The following EPSTI1 variants were observed in gnomAD, a reference collection of about 807,000 sequenced individuals.
EPSTI1 encodes the protein epithelial-stromal interaction protein 1.
In EPSTI1, 66 loss-of-function variants were observed where a neutral mutation model predicts 49.9. The observed-to-expected ratio is 1.32, with a 90% CI of 1.08 to 1.62. EPSTI1 has a LOEUF of 1.62. Among genes scored for constraint, EPSTI1 ranks in the 40% most tolerant of loss-of-function variants. The pLI, the probability that EPSTI1 is intolerant of heterozygous loss-of-function variation, is 0.00. For missense variants in EPSTI1, 394 were observed against 365.5 expected (o/e 1.08, Z -0.64); for synonymous variants, 137 against 130.7 (o/e 1.05, Z -0.33).
intron 1 of EPSTI1, among the ~76,000 whole-genome samples, chr13:42,981,103 G>A (rs1241826678): frequency 6.6e-6 from 1 of 152,038 alleles, no homozygotes; most frequent in Non-Finnish European, 1.5e-5. Context: ...TTTCTTTTAA[G>A]TCTTCATATT....
intron 6 of EPSTI1, chr13:42,933,745 G>A (rs923733052): frequency 6.6e-6 from 1 of 152,274 alleles, no homozygotes; most frequent in Non-Finnish European, 1.5e-5. Flanking sequence ...GTCATGTCAG[G>A]CACACACTGC....
chr13:42,888,439 C>T lies in EPSTI1; in HGVS notation c.*55G>A, dbSNP rs1357633734. 6.2e-7 allele frequency: 1 copy of T among 1,614,024 alleles called. No individual in the cohort carries two copies. The highest frequency in any genetic ancestry group is 8.5e-7 in the Non-Finnish European group (1 of 1,179,968). ...ACAAAATCACATTAAGAAAAAGCAT[C>T]TCATGAGGCTTTTCGAGGTCAGTTG... On this transcript the variant is annotated 3_prime_UTR_variant, in exon 11 of 11. Transcript: ENST00000313624.
rs544098214 is a variant in EPSTI1, at chr13:42,892,903, C to T, written c.915+2106G>A. On this transcript the variant is annotated intron_variant, in intron 10 of 10. Transcript: ENST00000313624. ...GTTATCACTGAGGTATATGAAAACC[C>T]AGGAGAGAGTACAGTGTCACAGAAG... 5.9e-3 allele frequency among the ~76,000 whole-genome samples: 29 copies of T among 4,956 alleles called. 1 individual carries two copies. The South Asian group carries it at 0.5, about 85-fold the overall frequency. The allele number at this position is 4,956 out of a possible 152,430, so 3.3% of individuals were successfully genotyped here.
chr13:42,965,056 G>A (rs1473337391), intron 3 of EPSTI1, among the ~76,000 whole-genome samples: 1 of 152,144 alleles, frequency 6.6e-6, no homozygotes, highest in Non-Finnish European at 1.5e-5. Flanking sequence ...AGATATATAA[G>A]GCCTGTTTGG....
chr13:42,965,531 C>T (rs1414852986), intron 3 of EPSTI1, among the ~76,000 whole-genome samples: 1 of 152,102 alleles, frequency 6.6e-6, no homozygotes. Context: ...CTAACTTCAG[C>T]CTATAAAAGA....
At chr13:42,941,618 A>AC (rs1244914678) in intron 6 of EPSTI1, among the ~76,000 whole-genome samples, 1 of 149,286 alleles carries the variant, frequency 6.7e-6, no homozygotes, top group African/African-American at 2.4e-5. Flanking sequence ...AGACACTGGA[A>AC]AAAAAAAAAA....
intron 10 of EPSTI1, among the ~76,000 whole-genome samples, chr13:42,890,022 C>T (rs1050736111): frequency 3.3e-5 from 5 of 152,178 alleles, no homozygotes; most frequent in Admixed American, 2.0e-4. Flanking sequence ...CAGTGATGTG[C>T]TCTGCCCCGT....
At chr13:42,977,276 A>G (rs979649380) in intron 1 of EPSTI1, among the ~76,000 whole-genome samples, 1 of 152,216 alleles carries the variant, frequency 6.6e-6, no homozygotes, top group African/African-American at 2.4e-5. Flanking sequence ...TTATTCTTTA[A>G]CCAAAAGAGA....
intron 6 of EPSTI1, among the ~76,000 whole-genome samples, chr13:42,933,245 T>C (rs759906162): frequency 6.6e-6 from 1 of 151,878 alleles, no homozygotes; most frequent in Non-Finnish European, 1.5e-5. Context: ...GAAGATTTTA[T>C]TGGAAACTAT....
chr13:42,901,358 A>G (rs17543917), intron 8 of EPSTI1, among the ~76,000 whole-genome samples: 10,148 of 152,246 alleles, frequency 0.067, 406 homozygotes, highest in Admixed American at 0.091. Flanking sequence ...CTAATATTCC[A>G]CAGTCCCCCA....
chr13:42,894,608 GA>G (rs1403862849), intron 10 of EPSTI1, among the ~76,000 whole-genome samples: 1 of 148,872 alleles, frequency 6.7e-6, no homozygotes, highest in African/African-American at 2.5e-5. Context: ...TGGTTTCTTT[GA>G]TGTGTTAGTT....
intron 7 of EPSTI1, among the ~76,000 whole-genome samples, chr13:42,920,578 T>C (rs760319948): frequency 5.9e-5 from 9 of 152,174 alleles, no homozygotes; most frequent in Non-Finnish European, 1.2e-4. Flanking sequence ...AAGGAATTAC[T>C]AGATAGTCTC....
At chr13:42,893,678 G>C (rs1472590604) in intron 10 of EPSTI1, among the ~76,000 whole-genome samples, 1 of 152,194 alleles carries the variant, frequency 6.6e-6, no homozygotes, top group Non-Finnish European at 1.5e-5. Context: ...ATCCATTTAT[G>C]CTCTCCCATC....
chr13:42,909,302 A>C (rs2037596424), intron 8 of EPSTI1, among the ~76,000 whole-genome samples: 1 of 152,188 alleles, frequency 6.6e-6, no homozygotes, highest in Non-Finnish European at 1.5e-5. Flanking sequence ...GATGGCAAGA[A>C]TATGGAGAAA....
In EPSTI1 at chr13:42,898,106, G is replaced by A. The variant is rs543768937; in HGVS notation, c.815+2204C>T. On this transcript the variant is annotated intron_variant, in intron 9 of 10. Coordinates refer to ENST00000313624, the MANE Select transcript of EPSTI1 (RefSeq NM_033255.5). The stretch of plus-strand genomic sequence containing the variant: ...AAATAGTTACAACGGGTTAGGTGCA[G>A]GTGCACTCAAGCTCATTACAGGTTC... Among the ~76,000 whole-genome samples, 408 of 152,286 alleles carry A rather than the reference G, an allele frequency of 2.7e-3. 1 individual carries two copies. The highest frequency in any genetic ancestry group is 4.0e-3 in the Non-Finnish European group (269 of 68,028).
chr13:42,961,029 G>C (rs1222767019), intron 5 of EPSTI1, among the ~76,000 whole-genome samples: 1 of 152,120 alleles, frequency 6.6e-6, no homozygotes, highest in Non-Finnish European at 1.5e-5. Context: ...TCTTGGGGTG[G>C]AGCATTATTC....
In EPSTI1 at chr13:42,893,047, G is replaced by A. The variant is rs182432465; in HGVS notation, c.915+1962C>T. 1.5e-3 allele frequency among the ~76,000 whole-genome samples: 234 copies of A among 152,306 alleles called. 1 individual carries two copies. The highest frequency in any genetic ancestry group is 2.0e-3 in the Non-Finnish European group (136 of 68,028). On this transcript the variant is annotated intron_variant, in intron 10 of 10. Transcript: ENST00000313624. ...GGATTTTGCAATGTGAACATTTTTA[G>A]TGACCATGAAAAGAACATTCTTTTT... is the stretch of plus-strand genomic sequence containing the variant.
Position 42,992,103 on chromosome 13 carries a change from G to A in EPSTI1, c.63C>T (p.Thr21=). Residue 21 remains threonine, a synonymous_variant, in exon 1 of 11, where the codon ACC becomes ACT. Transcript: ENST00000313624. ...GCCCAGAAGGGTCCTGGGGATCCCG[G>A]GTCGGGCGGGAGGCAGGGGAGGCGC... The part of the protein sequence containing the change: ...GLGASPASRP[T]RDPQDPSGRQ... 6.2e-7 allele frequency: 1 copy of A among 1,611,858 alleles called. No homozygotes were observed. The highest frequency in any genetic ancestry group is 8.5e-7 in the Non-Finnish European group (1 of 1,179,408).
At chr13:42,941,321 A>G (rs1479995276) in intron 6 of EPSTI1, among the ~76,000 whole-genome samples, 1 of 152,228 alleles carries the variant, frequency 6.6e-6, no homozygotes. Flanking sequence ...CAATAATTCA[A>G]TTCATAGATT....
Sources: gnomAD v4.1 joint callset for allele counts (sites outside exome capture counted in the v4.1 genomes callset) on GRCh38, gnomAD v4.1.1 for gene constraint, MANE v1.5 for transcripts, NCBI Gene and HGNC (gene_info 2026-07-23, HGNC 2026-07-21) for gene names.